Variants in DCAF6 observed in about 807,000 individuals in gnomAD.
The protein encoded by DCAF6 is DDB1- and CUL4-associated factor 6.
A neutral mutation model predicts 125.1 loss-of-function variants in DCAF6; 54 were observed. The observed-to-expected ratio is 0.43, with a 90% CI of 0.35 to 0.54. The LOEUF is 0.54. DCAF6 is among the 20% of genes least tolerant of loss of function. The pLI is 0.01. For missense variants in DCAF6, 934 were observed against 1,161.7 expected, an observed-to-expected ratio of 0.80 and a Z score of 2.85; for synonymous variants, 371 against 390.4, an observed-to-expected ratio of 0.95 and a Z score of 0.58.
chr1:167,917,945 T>C, the DCAF6 span: 1 of 160,804 alleles, frequency 6.2e-6, no homozygotes, highest in Non-Finnish European at 1.4e-5. Flanking sequence ...TTCCTTTCAC[T>C]TATAGCTAGC....
intron 10 of DCAF6, among the ~76,000 whole-genome samples, chr1:168,009,386 C>CTTT (rs1683893546): frequency 5.3e-5 from 4 of 75,542 alleles, no homozygotes; most frequent in African/African-American, 2.0e-4. Flanking sequence ...TTCCTTCCTT[C>CTTT]CTTTCTTTCT....
intron 2 of DCAF6, among the ~76,000 whole-genome samples, chr1:167,957,351 A>T (rs1015702046): frequency 5.3e-5 from 8 of 152,162 alleles, no homozygotes; most frequent in African/African-American, 1.9e-4. Context: ...ATGGAACCAT[A>T]CAATATTGGC....
intron 12 of DCAF6, among the ~76,000 whole-genome samples, chr1:168,030,778 G>A (rs2103305228): frequency 6.6e-6 from 1 of 152,238 alleles, no homozygotes; most frequent in South Asian, 2.1e-4. Context: ...TAAATCTTTT[G>A]TAAAACAAAT....
intron 10 of DCAF6, among the ~76,000 whole-genome samples, chr1:168,006,876 C>T (rs1188736816): frequency 6.6e-6 from 1 of 152,152 alleles, no homozygotes; most frequent in African/African-American, 2.4e-5. Context: ...TTGCTACGCT[C>T]CATCTCTGGT....
Position 168,004,658 on chromosome 1 carries a change from T to G in DCAF6, c.1243T>G (p.Ser415Ala). The G allele has an allele frequency of 6.2e-7, 1 of 1,613,960 alleles. No individual in the cohort carries two copies. Among genetic ancestry groups the G allele is most frequent in the South Asian group, 1.1e-5 (1 of 91,062 alleles). Residue 415 changes from serine to alanine, a missense_variant, in exon 10 of 22, where the codon TCT becomes GCT. Around this residue, in one of 5 missense-constraint regions of DCAF6, gnomAD observed 559 missense variants for 635.5 expected, o/e 0.88. Transcript: ENST00000367840. ...AEQFLQPSTS[S>A]TMSAQAHSTS... ...ACAATTTCTTCAGCCTTCTACATCC[T>G]CTACAATGTCAGCTCAGGCTCATTC...
At chr1:167,999,411 A>G (rs1219800812) in intron 7 of DCAF6, among the ~76,000 whole-genome samples, 1 of 152,178 alleles carries the variant, frequency 6.6e-6, no homozygotes, top group Non-Finnish European at 1.5e-5. Context: ...GAGAACCAGC[A>G]TGTCCTTCGA....
intron 17 of DCAF6, among the ~76,000 whole-genome samples, chr1:168,058,980 G>A (rs181958043): frequency 6.6e-5 from 10 of 151,988 alleles, no homozygotes; most frequent in African/African-American, 2.2e-4. Context: ...GTGTATTAGT[G>A]TACAAATATT....
intron 12 of DCAF6, among the ~76,000 whole-genome samples, chr1:168,026,285 G>A (rs888262193): frequency 5.3e-5 from 8 of 152,080 alleles, no homozygotes; most frequent in African/African-American, 1.9e-4. Context: ...ACATCATGTG[G>A]TAAATAATAT....
rs757867920 is a variant in DCAF6, at chr1:168,075,371, A to G, written c.2792A>G (p.Asp931Gly). 2 of 1,597,782 alleles carry G rather than the reference A, an allele frequency of 1.3e-6. No homozygotes were observed. Among genetic ancestry groups the G allele is most frequent in the East Asian group, 4.5e-5 (2 of 44,354 alleles). The change falls in exon 22 of 22, where the codon GAC becomes GGC. Residue 931 changes from aspartate (D) to glycine (G), a missense_variant and splice_region_variant. Physicochemically the swap from Asp to Gly is moderately conservative, Grantham distance 94. This residue lies in a region of DCAF6 where 36 missense variants were observed against 39.8 expected (regional missense o/e 0.91). Coordinates refer to ENST00000367840, the MANE Select transcript of DCAF6 (RefSeq NM_001198956.2). ...GCGATTCTCTTATCTGTGTTTCCAG[A>G]CCGGTTGGAGGGTGACAGATCAGAA... ...MLASLNHIRA[D>G]RLEGDRSEGS...
intron 12 of DCAF6, among the ~76,000 whole-genome samples, chr1:168,026,244 A>G (rs1190224616): frequency 6.6e-6 from 1 of 152,092 alleles, no homozygotes. Context: ...AAATATTTTC[A>G]TTTAATAATT....
At chr1:167,869,670 C>T in the DCAF6 span, among the ~76,000 whole-genome samples, 1 of 152,206 alleles carries the variant, frequency 6.6e-6, no homozygotes, top group Non-Finnish European at 1.5e-5. Context: ...TTCTGTTTCA[C>T]TGTGACCACC....
chr1:167,902,859 T>C, the DCAF6 span, among the ~76,000 whole-genome samples: 2 of 152,246 alleles, frequency 1.3e-5, no homozygotes, highest in Non-Finnish European at 2.9e-5. Context: ...GCATCCATCA[T>C]TAGGAGACAA....
At chr1:167,934,358 T>C (rs904255118), upstream of DCAF6, among the ~76,000 whole-genome samples, 12 of 152,168 alleles carry the variant, frequency 7.9e-5, no homozygotes, top group African/African-American at 2.7e-4. Context: ...TTCAGTTGAC[T>C]CTGTAAAGCC....
the DCAF6 span, chr1:167,896,535 A>C: frequency 7.5e-7 from 1 of 1,335,870 alleles, no homozygotes; most frequent in Non-Finnish European, 1.1e-6. Context: ...GTCGGCATTG[A>C]TATAAGACCC....
intron 4 of DCAF6, among the ~76,000 whole-genome samples, chr1:167,984,408 G>A (rs1303736964): frequency 2.0e-5 from 3 of 152,156 alleles, no homozygotes; most frequent in African/African-American, 7.2e-5. Context: ...TTATAATAGT[G>A]TGAGTACAGC....
At chr1:168,056,399 G>T in intron 17 of DCAF6, 11 of 1,384,546 alleles carry the variant, frequency 7.9e-6, no homozygotes, top group South Asian at 1.3e-5. Flanking sequence ...GGGCCCGCAC[G>T]CTCCGCACCA....
chr1:167,880,062 G>A, the DCAF6 span: 5 of 1,493,078 alleles, frequency 3.3e-6, no homozygotes, highest in Non-Finnish European at 4.6e-6. Flanking sequence ...AAGCCCAGTG[G>A]CAAGGTGCTG....
rs1490198419 is a variant in DCAF6 at position 168,068,796 on chromosome 1, C to T, written c.2791+333C>T. The stretch of plus-strand genomic sequence containing the variant: ...TGTTGAAAATCAGTCATAGCCCAAA[C>T]AGAAATAAATGTGACATGCTAAGAA... On this transcript the variant is annotated intron_variant, in intron 21 of 21. Transcript: ENST00000367840. Among the ~76,000 whole-genome samples, 4 of 152,038 alleles carry T rather than the reference C, an allele frequency of 2.6e-5. No individual in the cohort carries two copies. In the East Asian group the frequency reaches 7.7e-4, roughly 29 times the overall value.
At chr1:168,006,325 T>G (rs1465470183) in intron 10 of DCAF6, among the ~76,000 whole-genome samples, 1 of 152,162 alleles carries the variant, frequency 6.6e-6, no homozygotes, top group Non-Finnish European at 1.5e-5. Flanking sequence ...ATTGAAACAT[T>G]ATGCAGTACT....
Sources: gnomAD v4.1 joint callset for allele counts (sites outside exome capture counted in the v4.1 genomes callset) on GRCh38, gnomAD v4.1.1 for gene constraint, gnomAD v4.1.1 regional missense constraint, MANE v1.5 for transcripts, NCBI Gene and HGNC (gene_info 2026-07-23, HGNC 2026-07-21) for gene names.